RANBP17: variants seen among roughly 807,000 people sequenced by gnomAD.
RANBP17 encodes the protein RAN binding protein 17.
RANBP17 carries 158 observed loss-of-function variants against 141.2 expected under a neutral mutation model. The ratio of observed to expected loss-of-function variants is 1.12; its 90% CI spans 0.98 to 1.28. The LOEUF (loss-of-function observed/expected upper bound fraction) is 1.28, where lower values mean the gene tolerates loss of function less well. RANBP17 is among the 50% of genes most tolerant of loss of function. RANBP17 has a pLI of 0.00. For synonymous variants in RANBP17, 430 were observed against 450.0 expected (o/e 0.96, Z 0.56); for missense variants, 1,438 against 1,290.7 (o/e 1.11, Z -1.75).
chr5:171,117,031 A>G (rs1303377055), intron 14 of RANBP17, among the ~76,000 whole-genome samples: 2 of 152,166 alleles, frequency 1.3e-5, no homozygotes, highest in African/African-American at 2.4e-5. Flanking sequence ...TCCCTTGTGT[A>G]TGTGTACCAC....
At chr5:170,946,458 G>C (rs530285056) in intron 12 of RANBP17, among the ~76,000 whole-genome samples, 1 of 152,082 alleles carries the variant, frequency 6.6e-6, no homozygotes, top group Non-Finnish European at 1.5e-5. Context: ...CACAATTGGA[G>C]CATAGTCTGT....
intron 3 of RANBP17, among the ~76,000 whole-genome samples, chr5:170,882,159 C>T (rs1359166284): frequency 6.6e-6 from 1 of 152,142 alleles, no homozygotes; most frequent in African/African-American, 2.4e-5. Context: ...TCTCAGCTCA[C>T]TGCAACCTAC....
intron 14 of RANBP17, among the ~76,000 whole-genome samples, chr5:171,039,462 T>C (rs1782114679): frequency 6.6e-6 from 1 of 152,050 alleles, no homozygotes; most frequent in African/African-American, 2.4e-5. Flanking sequence ...TTGAATTAAG[T>C]TCCTAATAGA....
chr5:171,015,127 G>A (rs974160327), intron 14 of RANBP17, among the ~76,000 whole-genome samples: 1 of 152,060 alleles, frequency 6.6e-6, no homozygotes, highest in Admixed American at 6.6e-5. Flanking sequence ...TGATTATTGT[G>A]TGCCTTGGTT....
chr5:171,237,192 G>C (rs1296061338), intron 22 of RANBP17, among the ~76,000 whole-genome samples: 2 of 152,112 alleles, frequency 1.3e-5, no homozygotes, highest in African/African-American at 2.4e-5. Context: ...CTGAGTGTTG[G>C]AAGCTAATAA....
At chr5:170,864,970 G>T (rs1178558336) in intron 1 of RANBP17, among the ~76,000 whole-genome samples, 1 of 152,120 alleles carries the variant, frequency 6.6e-6, no homozygotes, top group Non-Finnish European at 1.5e-5. Flanking sequence ...TCTTCTGTAT[G>T]GCAGGCACTG....
At chr5:170,987,499 C>G (rs904133084) in intron 14 of RANBP17, among the ~76,000 whole-genome samples, 1 of 150,926 alleles carries the variant, frequency 6.6e-6, no homozygotes, top group African/African-American at 2.4e-5. Flanking sequence ...ATGTCATATG[C>G]TCAATACATA....
intron 16 of RANBP17, among the ~76,000 whole-genome samples, chr5:171,182,370 G>A (rs757182775): frequency 6.6e-6 from 1 of 152,052 alleles, no homozygotes; most frequent in South Asian, 2.1e-4. Context: ...TCATGTTTCC[G>A]ATTTCTTAAC....
At chr5:171,168,168 G>T (rs1371645331) in intron 14 of RANBP17, among the ~76,000 whole-genome samples, 1 of 152,150 alleles carries the variant, frequency 6.6e-6, no homozygotes, top group Admixed American at 6.6e-5. Context: ...AACAGTTACA[G>T]TGTGAAAAGC....
At chr5:171,062,743 C>G (rs1294511450) in intron 14 of RANBP17, among the ~76,000 whole-genome samples, 1 of 152,216 alleles carries the variant, frequency 6.6e-6, no homozygotes, top group African/African-American at 2.4e-5. Flanking sequence ...TGGATAATAT[C>G]CTGCAGAGTG....
chr5:170,993,772 CA>C (rs1778651896), intron 14 of RANBP17, among the ~76,000 whole-genome samples: 1 of 151,974 alleles, frequency 6.6e-6, no homozygotes, highest in African/African-American at 2.4e-5. Context: ...TTTAGAGTTA[CA>C]AAATGTTAGA....
chr5:171,211,842 T>C (rs1480602920), intron 20 of RANBP17, among the ~76,000 whole-genome samples: 1 of 152,190 alleles, frequency 6.6e-6, no homozygotes, highest in Non-Finnish European at 1.5e-5. Context: ...CTTATTTTCA[T>C]TGAACATCAT....
At chr5:170,975,859 CAG>C (rs1287686757) in intron 14 of RANBP17, among the ~76,000 whole-genome samples, 2 of 141,124 alleles carry the variant, frequency 1.4e-5, no homozygotes, top group East Asian at 4.3e-4. Flanking sequence ...AACAAACAAA[CAG>C]AAACACCAAA....
intron 1 of RANBP17, among the ~76,000 whole-genome samples, chr5:170,869,445 G>A (rs1350201699): frequency 1.3e-5 from 2 of 150,890 alleles, no homozygotes; most frequent in African/African-American, 4.9e-5. Context: ...ATGTGCCACC[G>A]TGCCTTAATA....
chr5:170,935,152 A>G (rs555256619), intron 12 of RANBP17, among the ~76,000 whole-genome samples: 2 of 152,266 alleles, frequency 1.3e-5, no homozygotes, highest in South Asian at 2.1e-4. Flanking sequence ...TTTCAGCTCC[A>G]TCAGGTCATT....
At chr5:171,056,747 G>A (rs913633044) in intron 14 of RANBP17, among the ~76,000 whole-genome samples, 2 of 151,998 alleles carry the variant, frequency 1.3e-5, no homozygotes, top group Non-Finnish European at 2.9e-5. Flanking sequence ...ATATATTAAA[G>A]GTTTAAAACA....
rs1319528167 is a variant in RANBP17, at chr5:171,171,206, T to C, written c.1785T>C (p.Ile595=). 3 of 1,537,768 alleles carry C rather than the reference T, an allele frequency of 2.0e-6. No individual in the cohort carries two copies. The highest frequency in any genetic ancestry group is 2.7e-6 in the Non-Finnish European group (3 of 1,122,348). Residue 595 remains isoleucine (I), a splice_region_variant and synonymous_variant, in exon 16 of 28, where the codon ATT becomes ATC. Transcript: ENST00000523189. ...NHVLETFMTK[I]VTNLKYWGRY... The stretch of plus-strand genomic sequence containing the variant: ...ATTAAAGACTTTTTTTCATATTTAG[T>C]GTTACAAACCTTAAATACTGGGGAA...
At chr5:170,869,205 A>G (rs1486789889) in intron 1 of RANBP17, among the ~76,000 whole-genome samples, 2 of 152,184 alleles carry the variant, frequency 1.3e-5, no homozygotes, top group East Asian at 3.8e-4. Context: ...GGTTCTTTAT[A>G]TCAGTAAAAC....
chr5:171,018,967 G>C (rs528900133), intron 14 of RANBP17, among the ~76,000 whole-genome samples: 1 of 152,254 alleles, frequency 6.6e-6, no homozygotes, highest in South Asian at 2.1e-4. Flanking sequence ...TTAACATGAA[G>C]GGATGTTGAA....
Sources: allele counts gnomAD v4.1 joint callset (sites outside exome capture counted in the v4.1 genomes callset), GRCh38; gene constraint gnomAD v4.1.1; transcripts MANE v1.5; gene names NCBI Gene and HGNC (gene_info 2026-07-23, HGNC 2026-07-21).